GAB2: variants seen among roughly 807,000 people sequenced by gnomAD.
GAB2 encodes GRB2-associated-binding protein 2.
A neutral mutation model predicts 65.5 loss-of-function variants in GAB2; 26 were observed. The ratio of observed to expected loss-of-function variants is 0.40; its 90% CI spans 0.29 to 0.55. The LOEUF (loss-of-function observed/expected upper bound fraction) is 0.55. Among genes scored for constraint, GAB2 ranks in the 20% least tolerant of loss-of-function variants. The probability of loss-of-function intolerance (pLI) is 0.53; values close to 1 mark genes in which losing one functional copy is unlikely to be tolerated. For synonymous variants in GAB2, 321 were observed against 329.6 expected (o/e 0.97, Z 0.28); for missense variants, 884 against 875.8 (o/e 1.01, Z -0.12).
At chr11:78,222,530 T>A (rs943750640) in intron 6 of GAB2, among the ~76,000 whole-genome samples, 12 of 148,178 alleles carry the variant, frequency 8.1e-5, no homozygotes, top group Non-Finnish European at 1.5e-4. Context: ...AAAATATATT[T>A]ATATATTAAT....
intron 6 of GAB2, among the ~76,000 whole-genome samples, chr11:78,222,936 G>A (rs1240493981): frequency 1.3e-5 from 2 of 152,184 alleles, no homozygotes; most frequent in African/African-American, 2.4e-5. Context: ...ACTACTCCCT[G>A]CTGCTCCTGG....
intron 2 of GAB2, among the ~76,000 whole-genome samples, chr11:78,276,104 A>G (rs985903651): frequency 2.2e-5 from 3 of 135,888 alleles, no homozygotes; most frequent in African/African-American, 8.2e-5. Context: ...ACAGAGCAAG[A>G]CTGTCTCAAA....
Position 78,261,252 on chromosome 11 carries a change from C to T in GAB2, c.377-10852G>A, listed in dbSNP as rs755724172. ...GCAGTAAGCTGTGACCACACCACTG[C>T]ACTCCGGCCTGGGCGACAGAGTGAG... is the stretch of plus-strand genomic sequence containing the variant. On this transcript the variant is annotated intron_variant, in intron 2 of 9. Coordinates refer to ENST00000361507, the MANE Select transcript of GAB2 (RefSeq NM_080491.3). 5.0e-4 allele frequency among the ~76,000 whole-genome samples: 76 copies of T among 152,154 alleles called. 1 individual carries two copies. Among genetic ancestry groups the T allele is most frequent in the Non-Finnish European group, 1.9e-4 (13 of 68,040 alleles).
chr11:78,275,987 G>A (rs1866157425), intron 2 of GAB2, among the ~76,000 whole-genome samples: 1 of 151,790 alleles, frequency 6.6e-6, no homozygotes, highest in East Asian at 2.0e-4. Flanking sequence ...GGTGTTGCCT[G>A]TCTATAATCC....
intron 1 of GAB2, among the ~76,000 whole-genome samples, chr11:78,409,193 C>T (rs1025508251): frequency 1.3e-5 from 2 of 151,996 alleles, no homozygotes; most frequent in Admixed American, 6.6e-5. Flanking sequence ...AACAAGTAGA[C>T]CTCAGAGCAA....
intron 1 of GAB2, among the ~76,000 whole-genome samples, chr11:78,337,513 C>A (rs1327984173): frequency 6.6e-6 from 1 of 152,114 alleles, no homozygotes; most frequent in African/African-American, 2.4e-5. Flanking sequence ...CCCTGACAAC[C>A]CACACCGTTC....
At chr11:78,408,694 A>G (rs1857086438) in intron 1 of GAB2, among the ~76,000 whole-genome samples, 1 of 152,174 alleles carries the variant, frequency 6.6e-6, no homozygotes, top group Non-Finnish European at 1.5e-5. Flanking sequence ...CTGATGGGAA[A>G]TGATTGGATT....
chr11:78,317,499 G>A (rs577996859), intron 1 of GAB2, among the ~76,000 whole-genome samples: 1 of 145,234 alleles, frequency 6.9e-6, no homozygotes, highest in East Asian at 2.2e-4. Context: ...GGCGGAGGTT[G>A]CAGTGAGCTG....
chr11:78,415,480 G>A (rs946975390), intron 1 of GAB2, among the ~76,000 whole-genome samples: 1 of 152,196 alleles, frequency 6.6e-6, no homozygotes, highest in African/African-American at 2.4e-5. Context: ...AAAAGTAGAT[G>A]TAAAGGCATA....
intron 1 of GAB2, among the ~76,000 whole-genome samples, chr11:78,309,233 G>A (rs1317844863): frequency 2.0e-5 from 3 of 152,070 alleles, no homozygotes; most frequent in Non-Finnish European, 1.5e-5. Flanking sequence ...TAAAAAAATT[G>A]AGATATGATT....
At chr11:78,289,563 A>G (rs1307030397) in intron 1 of GAB2, among the ~76,000 whole-genome samples, 1 of 152,214 alleles carries the variant, frequency 6.6e-6, no homozygotes, top group Admixed American at 6.5e-5. Flanking sequence ...GAAGTAACTT[A>G]CAATATTTAC....
At chr11:78,312,681 A>T (rs1431816399) in intron 1 of GAB2, among the ~76,000 whole-genome samples, 1 of 152,184 alleles carries the variant, frequency 6.6e-6, no homozygotes, top group East Asian at 1.9e-4. Context: ...CAACTGCCTC[A>T]GCCTCCCAAA....
rs1864532275 is a variant in GAB2 at position 78,223,580 on chromosome 11, G to A, written c.1399C>T (p.Arg467Ter). The change falls in exon 6 of 10, where the codon CGA (arginine) becomes TGA (stop). Residue 467 changes from arginine to a stop codon, truncating the protein, a stop_gained. Transcript: ENST00000361507. LOFTEE classifies it high-confidence loss of function. ...ACGCTCTGGGAATTATCACCTGCTC[G>A]TTCCATGGCCAACAGGGTGGAAGAA... Reference protein sequence around the residue: ...PGSSTLLAMERAGDNSQSVYI... With the variant: ...PGSSTLLAME 1 of 1,613,474 alleles carries A rather than the reference G, an allele frequency of 6.2e-7. No individual in the cohort carries two copies. The highest frequency in any genetic ancestry group is 1.3e-5 in the African/African-American group (1 of 74,880).
intron 1 of GAB2, among the ~76,000 whole-genome samples, chr11:78,287,768 C>A (rs761127953): frequency 6.6e-6 from 1 of 151,620 alleles, no homozygotes; most frequent in African/African-American, 2.4e-5. Flanking sequence ...TGTGCCTCAG[C>A]CTCCCAAGTA....
chr11:78,376,991 C>T (rs563171484), intron 1 of GAB2, among the ~76,000 whole-genome samples: 11 of 152,202 alleles, frequency 7.2e-5, no homozygotes, highest in South Asian at 2.1e-4. Flanking sequence ...CCTGCCACCC[C>T]GACTCTCTCA....
At chr11:78,233,418 G>GATC (rs1373097906) in intron 3 of GAB2, among the ~76,000 whole-genome samples, 1 of 152,150 alleles carries the variant, frequency 6.6e-6, no homozygotes, top group Admixed American at 6.5e-5. Context: ...CCAGATCACT[G>GATC]ATCATCTATT....
At chr11:78,360,515 T>A (rs1050354171) in intron 1 of GAB2, among the ~76,000 whole-genome samples, 2 of 152,050 alleles carry the variant, frequency 1.3e-5, no homozygotes, top group African/African-American at 4.8e-5. Flanking sequence ...GATAAAGAGC[T>A]CAAATCTCCC....
intron 2 of GAB2, among the ~76,000 whole-genome samples, chr11:78,272,316 G>C (rs1373568323): frequency 6.6e-6 from 1 of 152,200 alleles, no homozygotes; most frequent in East Asian, 1.9e-4. Flanking sequence ...GAACTTCCTA[G>C]AGACTTGTGA....
intron 1 of GAB2, among the ~76,000 whole-genome samples, chr11:78,369,158 A>G (rs1013357989): frequency 4.0e-5 from 6 of 151,440 alleles, no homozygotes; most frequent in African/African-American, 1.5e-4. Context: ...AAAAAAAAAA[A>G]AAGTCAGATA....
Sources: allele counts gnomAD v4.1 joint callset (sites outside exome capture counted in the v4.1 genomes callset), GRCh38; gene constraint gnomAD v4.1.1; transcripts MANE v1.5; gene names NCBI Gene and HGNC (gene_info 2026-07-23, HGNC 2026-07-21).